RBMS3: variants seen among roughly 807,000 people sequenced by gnomAD.
RBMS3 encodes RNA binding motif single stranded interacting protein 3.
A neutral mutation model predicts 66.8 loss-of-function variants in RBMS3; 27 were observed. The observed-to-expected ratio is 0.40, with a 90% confidence interval of 0.30 to 0.56. The LOEUF is 0.56. RBMS3 is among the 20% of genes least tolerant of loss of function. RBMS3 has a pLI of 0.40. For missense variants in RBMS3, 513 were observed against 549.5 expected, an observed-to-expected ratio of 0.93 and a Z score of 0.66; for synonymous variants, 188 against 183.0, an observed-to-expected ratio of 1.03 and a Z score of -0.22.
At chr3:29,497,443 T>C (rs2043797461) in intron 3 of RBMS3, among the ~76,000 whole-genome samples, 1 of 152,258 alleles carries the variant, frequency 6.6e-6, no homozygotes, top group African/African-American at 2.4e-5. Context: ...ACAGAAACTG[T>C]CGTCCAGGTA....
intron 4 of RBMS3, chr3:29,616,777 A>C (rs940153996): frequency 2.6e-5 from 4 of 152,206 alleles, no homozygotes; most frequent in Non-Finnish European, 5.9e-5. Flanking sequence ...AATAAATAGA[A>C]TATGTTTCAT....
intron 4 of RBMS3, among the ~76,000 whole-genome samples, chr3:29,737,137 GT>G: frequency 6.6e-6 from 1 of 152,074 alleles, no homozygotes; most frequent in South Asian, 2.1e-4. Context: ...CCACCAGGCT[GT>G]CTAACTTTTT....
At chr3:29,847,839 G>C (rs2149514069) in intron 6 of RBMS3, among the ~76,000 whole-genome samples, 1 of 152,120 alleles carries the variant, frequency 6.6e-6, no homozygotes, top group East Asian at 1.9e-4. Context: ...TGTGTTTTTA[G>C]TAGAGACGGG....
At position 29,434,898 on chromosome 3, in the gene RBMS3, A is replaced by T; in HGVS notation, c.231A>T (p.Leu77=). Residue 77 remains leucine, a synonymous_variant, in exon 2 of 15, where the codon CTA becomes CTT. Transcript: ENST00000383767. ...CACCAGGCACCACTGACCAGGACCT[A>T]ATCAAGCTGTGCCAACCGTAAGTGT... is the stretch of plus-strand genomic sequence containing the variant. The part of the protein sequence containing the change: ...GLPPGTTDQD[L]IKLCQPYGKI... The T allele has an allele frequency of 6.2e-7, 1 of 1,613,538 alleles. No homozygotes were observed. The highest frequency in any genetic ancestry group is 1.3e-5 in the African/African-American group (1 of 75,008).
At chr3:29,710,949 A>C (rs2053136840) in intron 4 of RBMS3, among the ~76,000 whole-genome samples, 1 of 152,178 alleles carries the variant, frequency 6.6e-6, no homozygotes, top group Non-Finnish European at 1.5e-5. Context: ...ATATTTGAGC[A>C]CCTACTATGT....
At chr3:29,400,023 GTGT>G (rs1377219737) in intron 1 of RBMS3, among the ~76,000 whole-genome samples, 1 of 152,104 alleles carries the variant, frequency 6.6e-6, no homozygotes, top group Non-Finnish European at 1.5e-5. Flanking sequence ...TATGGTAAAG[GTGT>G]TGTAGATGCA....
chr3:29,443,888 A>C (rs1033571640), intron 2 of RBMS3, among the ~76,000 whole-genome samples: 1 of 152,148 alleles, frequency 6.6e-6, no homozygotes, highest in Non-Finnish European at 1.5e-5. Flanking sequence ...ATAACGCCTT[A>C]ACTCTTAGCT....
chr3:29,868,934 G>C lies in RBMS3; in HGVS notation c.714G>C (p.Gln238His). Residue 238 changes from glutamine (Q) to histidine (H), a missense_variant, in exon 7 of 15, where the codon CAG becomes CAC. Transcript: ENST00000383767. ...GACAGAATCAAAGCAAATATACCCAGAATGGGAGGCCTTGGCCCAGGGAAG... is the reference window on the plus strand; with the variant it reads ...GACAGAATCAAAGCAAATATACCCACAATGGGAGGCCTTGGCCCAGGGAAG... ...KKRQNQSKYT[Q>H]NGRPWPREGE... 1 of 1,601,590 alleles carries C rather than the reference G, an allele frequency of 6.2e-7. No homozygotes were observed. The highest frequency in any genetic ancestry group is 8.5e-7 in the Non-Finnish European group (1 of 1,173,246).
At chr3:29,935,832 A>C (rs545647685) in intron 10 of RBMS3, among the ~76,000 whole-genome samples, 1 of 152,240 alleles carries the variant, frequency 6.6e-6, no homozygotes, top group South Asian at 2.1e-4. Flanking sequence ...CAAAAAATGA[A>C]AATGTAAGTG....
intron 3 of RBMS3, among the ~76,000 whole-genome samples, chr3:29,506,086 G>T (rs1012611687): frequency 4.6e-5 from 7 of 151,512 alleles, no homozygotes; most frequent in African/African-American, 7.3e-5. Flanking sequence ...TTGCTTAATT[G>T]TTCTCGCTAG....
At chr3:29,418,176 C>T (rs1267776526) in intron 1 of RBMS3, among the ~76,000 whole-genome samples, 1 of 152,082 alleles carries the variant, frequency 6.6e-6, no homozygotes, top group Non-Finnish European at 1.5e-5. Context: ...ATTATTTGAC[C>T]TGCTGGGATG....
At chr3:29,570,006 TTGTA>T (rs2046892375) in intron 3 of RBMS3, among the ~76,000 whole-genome samples, 1 of 151,982 alleles carries the variant, frequency 6.6e-6, no homozygotes, top group Non-Finnish European at 1.5e-5. Flanking sequence ...GATGTTAAAA[TTGTA>T]TGTATAATCT....
intron 6 of RBMS3, among the ~76,000 whole-genome samples, chr3:29,769,702 T>C (rs1296551699): frequency 6.6e-6 from 1 of 151,836 alleles, no homozygotes; most frequent in Non-Finnish European, 1.5e-5. Flanking sequence ...TGCTTAGCTC[T>C]GTACATTCTC....
chr3:29,809,323 C>A (rs1553675140), intron 6 of RBMS3, among the ~76,000 whole-genome samples: 1 of 143,770 alleles, frequency 7.0e-6, no homozygotes, highest in South Asian at 2.1e-4. Flanking sequence ...TCATTGACAG[C>A]ACTATGATCA....
intron 4 of RBMS3, among the ~76,000 whole-genome samples, chr3:29,658,038 G>C (rs1003302133): frequency 6.6e-6 from 1 of 152,122 alleles, no homozygotes; most frequent in Non-Finnish European, 1.5e-5. Context: ...TTCTATAAAT[G>C]GACTACCCAG....
chr3:29,806,511 G>A (rs941416258), intron 6 of RBMS3, among the ~76,000 whole-genome samples: 3 of 151,934 alleles, frequency 2.0e-5, no homozygotes, highest in Non-Finnish European at 4.4e-5. Context: ...ACAGAGTTTT[G>A]ATGGATAGTG....
chr3:29,302,023 T>C lies in RBMS3; in HGVS notation c.75+20267T>C, dbSNP rs1036645754. ...CAATATTAAATTTTTTTTAAAAAGT[T>C]TTTTTGAAGACAGTCTTACTCTGTT... On this transcript the variant is annotated intron_variant, in intron 1 of 14. Transcript: ENST00000383767. 2.0e-5 allele frequency among the ~76,000 whole-genome samples: 3 copies of C among 152,172 alleles called. No individual in the cohort carries two copies. In the East Asian group the frequency reaches 5.8e-4, roughly 30 times the overall value.
intron 2 of RBMS3, among the ~76,000 whole-genome samples, chr3:29,463,674 A>G (rs1403176755): frequency 1.3e-5 from 2 of 151,708 alleles, no homozygotes; most frequent in Admixed American, 1.3e-4. Flanking sequence ...AGGGCTCTAT[A>G]GCACTACTCT....
intron 3 of RBMS3, among the ~76,000 whole-genome samples, chr3:29,538,624 T>C (rs2045656603): frequency 6.6e-6 from 1 of 152,192 alleles, no homozygotes; most frequent in Admixed American, 6.5e-5. Context: ...ATGGGTAGAT[T>C]TATGTTTCCA....
Sources: gnomAD v4.1 joint callset for allele counts (sites outside exome capture counted in the v4.1 genomes callset) on GRCh38, gnomAD v4.1.1 for gene constraint, MANE v1.5 for transcripts, NCBI Gene and HGNC (gene_info 2026-07-23, HGNC 2026-07-21) for gene names.